Variants in COL26A1 observed in about 807,000 individuals in gnomAD.
COL26A1 encodes the protein collagen type XXVI alpha 1 chain, also known as collagen alpha-1(XXVI) chain.
Under a neutral mutation model 59.3 loss-of-function variants are expected in COL26A1, and 41 were observed. The observed-to-expected ratio is 0.69, with a 90% CI of 0.54 to 0.90. The LOEUF (loss-of-function observed/expected upper bound fraction) is 0.90, where lower values mean the gene tolerates loss of function less well. Ranked by LOEUF, COL26A1 falls within the 40% of genes least tolerant of loss-of-function variation. The pLI is 0.00. For missense variants in COL26A1, 612 were observed against 602.3 expected, an observed-to-expected ratio of 1.02 and a Z score of -0.17; for synonymous variants, 266 against 256.0, an observed-to-expected ratio of 1.04 and a Z score of -0.37.
intron 3 of COL26A1, among the ~76,000 whole-genome samples, chr7:101,481,731 A>G (rs1023745921): frequency 6.6e-6 from 1 of 150,728 alleles, no homozygotes; most frequent in Non-Finnish European, 1.5e-5. Context: ...GATTACATGC[A>G]TGAGCCACCC....
intron 3 of COL26A1, among the ~76,000 whole-genome samples, chr7:101,488,622 C>T (rs1794320939): frequency 1.3e-5 from 2 of 151,940 alleles, no homozygotes; most frequent in African/African-American, 4.8e-5. Context: ...GTGATCCTCC[C>T]TCCTCGGCCT....
At chr7:101,413,666 A>T (rs761288311) in intron 1 of COL26A1, among the ~76,000 whole-genome samples, 1 of 152,190 alleles carries the variant, frequency 6.6e-6, no homozygotes, top group African/African-American at 2.4e-5. Flanking sequence ...CTGAGTGCTC[A>T]GCTGGGGAGA....
At chr7:101,389,452 T>C (rs1384214212) in intron 1 of COL26A1, among the ~76,000 whole-genome samples, 1 of 150,318 alleles carries the variant, frequency 6.7e-6, no homozygotes, top group East Asian at 2.0e-4. Context: ...CAGTCTTGGC[T>C]CACTGCAACC....
At chr7:101,395,392 T>A (rs902300596) in intron 1 of COL26A1, among the ~76,000 whole-genome samples, 2 of 152,174 alleles carry the variant, frequency 1.3e-5, no homozygotes, top group African/African-American at 2.4e-5. Flanking sequence ...TTCAGAGCAT[T>A]CTGCAGCTTG....
intron 5 of COL26A1, among the ~76,000 whole-genome samples, chr7:101,541,524 T>A (rs1473712547): frequency 6.0e-5 from 9 of 150,852 alleles, no homozygotes; most frequent in African/African-American, 2.0e-4. Flanking sequence ...TTTTTTTTTT[T>A]AATTTTTAGT....
At chr7:101,549,525 C>T (rs544574201) in intron 9 of COL26A1, among the ~76,000 whole-genome samples, 7 of 152,216 alleles carry the variant, frequency 4.6e-5, no homozygotes, top group Non-Finnish European at 7.4e-5. Flanking sequence ...GGACCACAGG[C>T]GCACGCCACC....
chr7:101,424,226 A>G (rs1257711883), intron 2 of COL26A1, among the ~76,000 whole-genome samples: 1 of 151,788 alleles, frequency 6.6e-6, no homozygotes, highest in Admixed American at 6.6e-5. Flanking sequence ...ATACAATAAT[A>G]AAACTTAATT....
intron 9 of COL26A1, 86 bp from the exon 10 acceptor site, chr7:101,551,022 A>G (rs1795848225): frequency 2.9e-6 from 4 of 1,401,612 alleles, no homozygotes; most frequent in African/African-American, 1.4e-5. Flanking sequence ...CTCAGAGCAC[A>G]GTGGGCGGGG....
intron 2 of COL26A1, among the ~76,000 whole-genome samples, chr7:101,438,385 A>G (rs550859893): frequency 3.3e-5 from 5 of 151,574 alleles, no homozygotes; most frequent in Non-Finnish European, 7.4e-5. Context: ...AACAGTAAAA[A>G]CAAACAACAA....
At chr7:101,409,849 C>T (rs1350397157) in intron 1 of COL26A1, among the ~76,000 whole-genome samples, 1 of 152,154 alleles carries the variant, frequency 6.6e-6, no homozygotes, top group Non-Finnish European at 1.5e-5. Flanking sequence ...CAACCTCCAC[C>T]TCCCGGGTTC....
At chr7:101,451,082 A>G (rs959335665) in intron 3 of COL26A1, among the ~76,000 whole-genome samples, 5 of 138,530 alleles carry the variant, frequency 3.6e-5, no homozygotes, top group African/African-American at 1.3e-4. Flanking sequence ...CATATAATAT[A>G]TATTATTGAA....
In COL26A1 at chr7:101,532,973, C is replaced by T. The variant is rs115517244; in HGVS notation, c.386-109C>T. ...AATAGGAGTTTTCCAGGCAAAATGACTGGAGATTTCTCTGCTTGCCTGCCT... is the reference window on the plus strand; with the variant it reads ...AATAGGAGTTTTCCAGGCAAAATGATTGGAGATTTCTCTGCTTGCCTGCCT... On this transcript the variant is annotated intron_variant, in intron 3 of 12. Coordinates refer to ENST00000313669, the MANE Select transcript of COL26A1 (RefSeq NM_001278563.3). 2.5e-3 allele frequency: 1,940 copies of T among 789,308 alleles called. 31 individuals are homozygous for T. The African/African-American group carries it at 0.03, about 12-fold the overall frequency. 48.9% of individuals were successfully genotyped at this position (789,308 alleles called of 1,614,324 possible). A position where few individuals can be genotyped will look rare whatever the true frequency, so the allele number is the denominator to read the frequency against.
chr7:101,392,397 C>CTT lies in COL26A1; in HGVS notation c.159-27559_159-27558dup, dbSNP rs34053990. On this transcript the variant is annotated intron_variant, in intron 1 of 12. Coordinates refer to ENST00000313669, the MANE Select transcript of COL26A1 (RefSeq NM_001278563.3). ...AGGGAACAAGTATCCAACAACCAGG[C>CTT]TTTTTTTTTTTTTTTTTTTTTTAAG... Among the ~76,000 whole-genome samples the CTT allele has an allele frequency of 4.7e-3, 403 of 86,590 alleles. 6 individuals carry two copies. Among genetic ancestry groups the CTT allele is most frequent in the African/African-American group, 0.014 (351 of 24,518 alleles). 56.8% of individuals were successfully genotyped at this position (86,590 alleles called of 152,430 possible). A position where few individuals can be genotyped will look rare whatever the true frequency, so the allele number is the denominator to read the frequency against.
At chr7:101,401,557 GGAA>G (rs1404631141) in intron 1 of COL26A1, among the ~76,000 whole-genome samples, 22 of 147,730 alleles carry the variant, frequency 1.5e-4, no homozygotes, top group Admixed American at 1.1e-3. Context: ...AAGAGTAGGA[GGAA>G]GAAGAGAAAG....
intron 3 of COL26A1, among the ~76,000 whole-genome samples, chr7:101,470,117 T>C (rs1272508784): frequency 6.6e-6 from 1 of 151,308 alleles, no homozygotes; most frequent in Non-Finnish European, 1.5e-5. Flanking sequence ...TTTTTTTTTT[T>C]TTTTCGAGAC....
chr7:101,556,418 GGTGA>G (rs954746879), intron 12 of COL26A1, among the ~76,000 whole-genome samples: 1 of 152,228 alleles, frequency 6.6e-6, no homozygotes, highest in African/African-American at 2.4e-5. Context: ...CAGGTGGGTG[GGTGA>G]GTGAGTGAGT....
rs867936537 is a variant in COL26A1 at position 101,489,639 on chromosome 7, T to G, written c.385+41852T>G. 5.3e-3 allele frequency among the ~76,000 whole-genome samples: 371 copies of G among 70,184 alleles called. 12 individuals are homozygous for G. The highest frequency in any genetic ancestry group is 0.04 in the African/African-American group (313 of 7,830). 46.0% of individuals were successfully genotyped at this position (70,184 alleles called of 152,430 possible). A position where few individuals can be genotyped will look rare whatever the true frequency, so the allele number is the denominator to read the frequency against. On this transcript the variant is annotated intron_variant, in intron 3 of 12. Transcript: ENST00000313669. ...TTTCTTTCTTTCTTTCTTTCTTTCT[T>G]TCTTTCTTTCTTTCTTTCTTTCTTC...
chr7:101,385,150 C>T (rs1791534543), intron 1 of COL26A1, among the ~76,000 whole-genome samples: 1 of 149,778 alleles, frequency 6.7e-6, no homozygotes, highest in African/African-American at 2.4e-5. Flanking sequence ...CCTCTGAAAA[C>T]ACCCAGAAAC....
At chr7:101,526,055 CT>C (rs111314494) in intron 3 of COL26A1, among the ~76,000 whole-genome samples, 9 of 148,250 alleles carry the variant, frequency 6.1e-5, no homozygotes, top group African/African-American at 2.5e-5. Flanking sequence ...TTTCCTTTTT[CT>C]TTTTTTTTTG....
Sources: allele counts gnomAD v4.1 joint callset (sites outside exome capture counted in the v4.1 genomes callset), GRCh38; gene constraint gnomAD v4.1.1; transcripts MANE v1.5; gene names NCBI Gene and HGNC (gene_info 2026-07-23, HGNC 2026-07-21).